The following PGCKA1 variants were observed in gnomAD, a reference collection of about 807,000 sequenced individuals.
PGCKA1 encodes PDCD10 and GCKIII kinases associated 1.
the PGCKA1 span, chr4:37,584,286 T>C: frequency 1.3e-5 from 2 of 152,178 alleles, no homozygotes; most frequent in African/African-American, 4.8e-5. Flanking sequence ...GGAATGTTGC[T>C]GGGGAAGGAA....
chr4:37,508,930 CACCGCCCTTAATCCATTTAACCCTG>C, the PGCKA1 span, among the ~76,000 whole-genome samples: 1 of 149,644 alleles, frequency 6.7e-6, no homozygotes, highest in African/African-American at 2.5e-5. Flanking sequence ...GCACATCTTG[CACCGCCCTTAATCCATTTAACCCTG>C]AGTGGACACA....
the PGCKA1 span, among the ~76,000 whole-genome samples, chr4:37,572,012 G>T: frequency 6.7e-6 from 1 of 149,622 alleles, no homozygotes; most frequent in East Asian, 2.0e-4. Flanking sequence ...AGTAAGAACT[G>T]ACCTTAGATT....
the PGCKA1 span, among the ~76,000 whole-genome samples, chr4:37,557,862 C>A: frequency 1.3e-5 from 2 of 152,166 alleles, no homozygotes; most frequent in Admixed American, 1.3e-4. Context: ...AAATGTGAAA[C>A]CCCTTGCCTT....
At chr4:37,513,060 G>A in the PGCKA1 span, among the ~76,000 whole-genome samples, 1 of 148,378 alleles carries the variant, frequency 6.7e-6, no homozygotes, top group Admixed American at 6.8e-5. Context: ...TTGCACTCCA[G>A]CCTGGGCAAA....
At chr4:37,508,784 G>T in the PGCKA1 span, among the ~76,000 whole-genome samples, 81 of 150,190 alleles carry the variant, frequency 5.4e-4, 2 homozygotes, top group South Asian at 0.015. Context: ...AGATAAACAA[G>T]TGAACAAGGG....
At chr4:37,478,117 ATTTTTT>A in the PGCKA1 span, among the ~76,000 whole-genome samples, 1 of 144,726 alleles carries the variant, frequency 6.9e-6, no homozygotes, top group African/African-American at 2.6e-5. Flanking sequence ...AAATGTACTA[ATTTTTT>A]TATTTTTATT....
the PGCKA1 span, among the ~76,000 whole-genome samples, chr4:37,521,809 T>C: frequency 6.6e-6 from 1 of 152,234 alleles, no homozygotes; most frequent in Non-Finnish European, 1.5e-5. Flanking sequence ...TATTATTGTA[T>C]TGGGACCTAT....
the PGCKA1 span, among the ~76,000 whole-genome samples, chr4:37,527,313 TGTA>T: frequency 3.6e-4 from 55 of 152,294 alleles, no homozygotes; most frequent in African/African-American, 1.3e-3. Flanking sequence ...TTAAAATAAA[TGTA>T]GTCTAAGTGT....
the PGCKA1 span, among the ~76,000 whole-genome samples, chr4:37,456,198 A>AG: frequency 0.29 from 43,385 of 152,024 alleles, 6,388 homozygotes; most frequent in Middle Eastern, 0.32. Context: ...ACCTATGTGC[A>AG]GGTCAGATGT....
At chr4:37,531,619 A>T in the PGCKA1 span, among the ~76,000 whole-genome samples, 1 of 151,820 alleles carries the variant, frequency 6.6e-6, no homozygotes, top group Non-Finnish European at 1.5e-5. Flanking sequence ...TAGGTCGGGC[A>T]TGGTGGCTCA....
At chr4:37,536,156 T>C in the PGCKA1 span, among the ~76,000 whole-genome samples, 1 of 152,162 alleles carries the variant, frequency 6.6e-6, no homozygotes, top group Non-Finnish European at 1.5e-5. Context: ...GGGGATAGGC[T>C]CTGAGTAAGC....
the PGCKA1 span, among the ~76,000 whole-genome samples, chr4:37,547,658 G>T: frequency 2.0e-5 from 3 of 152,108 alleles, no homozygotes; most frequent in East Asian, 5.8e-4. Flanking sequence ...ACCCAGACCA[G>T]TTTCCACACA....
At chr4:37,556,272 T>TTGTTTTG in the PGCKA1 span, among the ~76,000 whole-genome samples, 13 of 151,696 alleles carry the variant, frequency 8.6e-5, no homozygotes, top group East Asian at 1.9e-4. Context: ...TTGTTTTGTT[T>TTGTTTTG]TTTTGTTTTT....
At chr4:37,474,466 C>T in the PGCKA1 span, among the ~76,000 whole-genome samples, 1 of 152,122 alleles carries the variant, frequency 6.6e-6, no homozygotes, top group African/African-American at 2.4e-5. Flanking sequence ...CCCTCAGTGC[C>T]TACTACCTGG....
chr4:37,463,941 C>T, the PGCKA1 span, among the ~76,000 whole-genome samples: 1 of 152,112 alleles, frequency 6.6e-6, no homozygotes, highest in African/African-American at 2.4e-5. Context: ...ACTCAAGAAT[C>T]CACGGCTGGA....
At chr4:37,572,525 T>A in the PGCKA1 span, among the ~76,000 whole-genome samples, 9 of 148,212 alleles carry the variant, frequency 6.1e-5, no homozygotes, top group African/African-American at 1.9e-4. Context: ...ATACACACAA[T>A]TTTTTTTCTG....
At chr4:37,490,200 A>T in the PGCKA1 span, among the ~76,000 whole-genome samples, 1 of 152,152 alleles carries the variant, frequency 6.6e-6, no homozygotes, top group African/African-American at 2.4e-5. Flanking sequence ...CATAACAACC[A>T]TATGGAATAG....
the PGCKA1 span, among the ~76,000 whole-genome samples, chr4:37,516,812 C>A: frequency 1.3e-5 from 2 of 152,132 alleles, no homozygotes; most frequent in Non-Finnish European, 2.9e-5. Flanking sequence ...AGAAATTAAT[C>A]GCTTATTTTA....
the PGCKA1 span, among the ~76,000 whole-genome samples, chr4:37,468,027 G>A: frequency 3.7e-4 from 56 of 152,302 alleles, no homozygotes; most frequent in South Asian, 3.5e-3. Context: ...GTTATGCTGG[G>A]GAAATGAACT....
Sources: allele counts gnomAD v4.1 joint callset (sites outside exome capture counted in the v4.1 genomes callset), GRCh38; gene constraint gnomAD v4.1.1; transcripts MANE v1.5; gene names NCBI Gene and HGNC (gene_info 2026-07-23, HGNC 2026-07-21).